The following RANBP2 variants were observed in gnomAD, a reference collection of about 807,000 sequenced individuals.
The protein encoded by RANBP2 is E3 SUMO-protein ligase RanBP2.
A neutral mutation model predicts 303.6 loss-of-function variants in RANBP2; 57 were observed. The ratio of observed to expected loss-of-function variants is 0.19; its 90% CI spans 0.15 to 0.23. RANBP2 has a LOEUF of 0.23. Ranked by LOEUF, RANBP2 falls within the 10% of genes least tolerant of loss-of-function variation. The pLI is 1.00. For synonymous variants in RANBP2, 1,167 were observed against 1,301.5 expected, an observed-to-expected ratio of 0.90 and a Z score of 2.23; for missense variants, 3,138 against 3,780.8, an observed-to-expected ratio of 0.83 and a Z score of 4.46.
chr2:108,852,460 A>G, the RANBP2 span, among the ~76,000 whole-genome samples: 1 of 152,252 alleles, frequency 6.6e-6, no homozygotes, highest in Non-Finnish European at 1.5e-5. Flanking sequence ...TGTTGTGTTC[A>G]TTGCAGCACT....
chr2:108,870,512 G>A, the RANBP2 span, among the ~76,000 whole-genome samples: 1 of 152,098 alleles, frequency 6.6e-6, no homozygotes, highest in Non-Finnish European at 1.5e-5. Context: ...AGAAACTCAA[G>A]GAATCCACAT....
the RANBP2 span, among the ~76,000 whole-genome samples, chr2:108,847,940 C>A: frequency 6.6e-6 from 1 of 152,054 alleles, no homozygotes; most frequent in Non-Finnish European, 1.5e-5. Flanking sequence ...TTACGAGAAG[C>A]AGGGATTAGC....
chr2:109,086,271 G>C, the RANBP2 span, among the ~76,000 whole-genome samples: 149 of 152,234 alleles, frequency 9.8e-4, no homozygotes, highest in Non-Finnish European at 1.8e-3. Context: ...GAGGTTGTTG[G>C]GGGAGGGGGG....
chr2:109,011,542 A>G, the RANBP2 span, among the ~76,000 whole-genome samples: 1 of 152,080 alleles, frequency 6.6e-6, no homozygotes, highest in Non-Finnish European at 1.5e-5. Flanking sequence ...TTCAACTTTC[A>G]CCCATTGTGT....
the RANBP2 span, among the ~76,000 whole-genome samples, chr2:109,249,532 T>TTTCTCTTTCTTTCTTTCCTTCCTTCC: frequency 2.1e-5 from 2 of 96,450 alleles, no homozygotes; most frequent in Non-Finnish European, 4.1e-5. Flanking sequence ...TCTTTCTTTC[T>TTTCTCTTTCTTTCTTTCCTTCCTTCC]TTCCTTCCTT....
At chr2:109,171,690 G>A in the RANBP2 span, among the ~76,000 whole-genome samples, 2 of 152,244 alleles carry the variant, frequency 1.3e-5, no homozygotes, top group Non-Finnish European at 2.9e-5. Flanking sequence ...TTGGGAGTTC[G>A]GTGCAGCTAA....
chr2:109,471,411 A>G, the RANBP2 span, among the ~76,000 whole-genome samples: 1 of 152,130 alleles, frequency 6.6e-6, no homozygotes, highest in South Asian at 2.1e-4. Flanking sequence ...ATCCTCATAA[A>G]ACCATTGGAT....
At chr2:109,234,729 C>T in the RANBP2 span, among the ~76,000 whole-genome samples, 2 of 152,188 alleles carry the variant, frequency 1.3e-5, no homozygotes, top group Non-Finnish European at 2.9e-5. Flanking sequence ...CTCTTGGAGT[C>T]TTCTGTGTGG....
the RANBP2 span, among the ~76,000 whole-genome samples, chr2:109,548,775 CAAAAAAAAAAAAAA>C: frequency 0.16 from 10,116 of 64,218 alleles, 926 homozygotes; most frequent in East Asian, 0.46. Flanking sequence ...GGCTCCATCT[CAAAAAAAAAAAAAA>C]AAAAAAAAAA....
the RANBP2 span, among the ~76,000 whole-genome samples, chr2:109,663,224 T>A: frequency 6.6e-6 from 1 of 152,224 alleles, no homozygotes; most frequent in South Asian, 2.1e-4. Flanking sequence ...GCTTAAAACC[T>A]CCTTCATCCT....
chr2:108,721,150 A>G (rs895963753), intron 1 of RANBP2, among the ~76,000 whole-genome samples: 1 of 152,190 alleles, frequency 6.6e-6, no homozygotes, highest in Non-Finnish European at 1.5e-5. Flanking sequence ...AGGTTATCTT[A>G]TTTTGCGCTT....
chr2:109,139,441 A>G, the RANBP2 span, among the ~76,000 whole-genome samples: 2 of 152,210 alleles, frequency 1.3e-5, no homozygotes, highest in African/African-American at 4.8e-5. Context: ...TCACACTCCT[A>G]ATAGGAAGAC....
At chr2:109,054,234 G>A in the RANBP2 span, among the ~76,000 whole-genome samples, 1 of 152,180 alleles carries the variant, frequency 6.6e-6, no homozygotes, top group South Asian at 2.1e-4. Context: ...TTTTCACAGA[G>A]ACAATCTGGC....
the RANBP2 span, among the ~76,000 whole-genome samples, chr2:108,902,793 T>C: frequency 2.0e-5 from 3 of 152,186 alleles, no homozygotes; most frequent in Non-Finnish European, 2.9e-5. Flanking sequence ...AGAGCTAATA[T>C]TATACTTAAT....
At chr2:109,121,765 A>T in the RANBP2 span, among the ~76,000 whole-genome samples, 628 of 152,242 alleles carry the variant, frequency 4.1e-3, 2 homozygotes, top group Non-Finnish European at 6.8e-3. Flanking sequence ...TGACTCCCAG[A>T]TGCACACCCC....
At chr2:109,493,080 C>CCATA in the RANBP2 span, among the ~76,000 whole-genome samples, 26 of 91,602 alleles carry the variant, frequency 2.8e-4, no homozygotes, top group East Asian at 9.4e-3. Context: ...CACACATACA[C>CCATA]CATACATACA....
the RANBP2 span, among the ~76,000 whole-genome samples, chr2:109,237,857 A>G: frequency 6.6e-6 from 1 of 152,254 alleles, no homozygotes; most frequent in Non-Finnish European, 1.5e-5. Flanking sequence ...AAAATGAAGA[A>G]CAACTTGGAT....
chr2:109,733,513 G>A, the RANBP2 span, among the ~76,000 whole-genome samples: 1 of 152,036 alleles, frequency 6.6e-6, no homozygotes, highest in Admixed American at 6.6e-5. Context: ...TAAGACAAGG[G>A]ACAAGAAAAA....
the RANBP2 span, among the ~76,000 whole-genome samples, chr2:109,648,162 G>T: frequency 3.3e-5 from 5 of 152,156 alleles, no homozygotes; most frequent in Non-Finnish European, 7.3e-5. Context: ...TTGGGTCCTC[G>T]GGTGGGAATG....
Sources: gnomAD v4.1 joint callset for allele counts (sites outside exome capture counted in the v4.1 genomes callset) on GRCh38, gnomAD v4.1.1 for gene constraint, MANE v1.5 for transcripts, NCBI Gene and HGNC (gene_info 2026-07-23, HGNC 2026-07-21) for gene names.